Variants in ZMPSTE24 observed in about 807,000 individuals in gnomAD.
ZMPSTE24 encodes zinc metallopeptidase STE24.
Under a neutral mutation model 56.7 loss-of-function variants are expected in ZMPSTE24, and 48 were observed. That is an observed-to-expected ratio of 0.85 (90% CI 0.67 to 1.08). The LOEUF is 1.08. Among genes scored for constraint, ZMPSTE24 ranks in the 50% least tolerant of loss-of-function variants. ZMPSTE24 has a pLI of 0.00. For synonymous variants in ZMPSTE24, 172 were observed against 195.2 expected, an observed-to-expected ratio of 0.88 and a Z score of 0.99; for missense variants, 503 against 548.7, an observed-to-expected ratio of 0.92 and a Z score of 0.83.
intron 6 of ZMPSTE24, among the ~76,000 whole-genome samples, chr1:40,275,713 C>T (rs1440407016): frequency 1.4e-5 from 2 of 140,272 alleles, no homozygotes; most frequent in African/African-American, 5.4e-5. Flanking sequence ...GATCGCGCCA[C>T]TACACTCCAG....
At chr1:40,282,923 A>G (rs1316479197) in intron 7 of ZMPSTE24, among the ~76,000 whole-genome samples, 1 of 152,122 alleles carries the variant, frequency 6.6e-6, no homozygotes, top group Non-Finnish European at 1.5e-5. Context: ...GGCTAAAGAT[A>G]CCTACATTTT....
intron 6 of ZMPSTE24, among the ~76,000 whole-genome samples, chr1:40,273,533 AAAAAATATAT>A (rs1472551940): frequency 5.3e-5 from 3 of 57,042 alleles, no homozygotes; most frequent in East Asian, 6.0e-4. Context: ...AAAAAAAAAA[AAAAAATATAT>A]ATATATATAT....
chr1:40,263,118 TAGAC>T (rs1390237282), intron 2 of ZMPSTE24: 2 of 459,620 alleles, frequency 4.4e-6, no homozygotes, highest in Non-Finnish European at 5.7e-6. Context: ...CCAGGAAAGA[TAGAC>T]AGTAGCTTGG....
chr1:40,271,832 T>C (rs1643616530), intron 5 of ZMPSTE24, 62 bp from the exon 6 acceptor site: 1 of 1,567,750 alleles, frequency 6.4e-7, no homozygotes, highest in African/African-American at 1.4e-5. Context: ...TTAATCTGTA[T>C]AATAAAGAAT....
At chr1:40,289,048 A>T (rs1643813182) in intron 8 of ZMPSTE24, among the ~76,000 whole-genome samples, 1 of 152,066 alleles carries the variant, frequency 6.6e-6, no homozygotes, top group Non-Finnish European at 1.5e-5. Flanking sequence ...GTATTAAGTT[A>T]TTGTAAAATA....
At chr1:40,268,158 C>CT (rs1643575427) in intron 3 of ZMPSTE24, among the ~76,000 whole-genome samples, 1 of 152,160 alleles carries the variant, frequency 6.6e-6, no homozygotes, top group South Asian at 2.1e-4. Context: ...AATCCAGGCT[C>CT]TTTATCTTAG....
intron 6 of ZMPSTE24, among the ~76,000 whole-genome samples, chr1:40,273,554 A>G (rs1287015955): frequency 4.3e-5 from 5 of 117,374 alleles, no homozygotes; most frequent in African/African-American, 1.8e-4. Context: ...ATATATATAT[A>G]TATATATATA....
At position 40,290,300 on chromosome 1, in the gene ZMPSTE24, G is replaced by A. The variant is rs545226713; in HGVS notation, c.1060-554G>A. Among the ~76,000 whole-genome samples the A allele has an allele frequency of 9.1e-4, 138 of 151,242 alleles. 2 individuals carry two copies. Among genetic ancestry groups the A allele is most frequent in the Admixed American group, 8.0e-3 (122 of 15,174 alleles). The stretch of plus-strand genomic sequence containing the variant: ...CTCGGGAGGCTGAGGCAGGGGAATG[G>A]CGTGAACATGGGAGGCGGAGCTTGC... On this transcript the variant is annotated intron_variant, in intron 8 of 9. Transcript: ENST00000372759.
rs548350285 is a variant in ZMPSTE24, at chr1:40,270,769, T to C, written c.627+642T>C. Among the ~76,000 whole-genome samples, 15 of 152,234 alleles carry C rather than the reference T, an allele frequency of 9.9e-5. No individual in the cohort carries two copies. In the South Asian group the frequency reaches 3.1e-3, roughly 32 times the overall value. ...CCCTCCCTCACATCTCCTATTCCTC[T>C]TCTCTTTCCATACTCTCAAGTGCTT... On this transcript the variant is annotated intron_variant, in intron 5 of 9. Transcript: ENST00000372759.
At chr1:40,290,607 T>C (rs796932399) in intron 8 of ZMPSTE24, 2 of 377,110 alleles carry the variant, frequency 5.3e-6, no homozygotes, top group African/African-American at 2.1e-5. Flanking sequence ...ACTACAGGCA[T>C]CCGCCACCAC....
chr1:40,268,589 T>C, intron 4 of ZMPSTE24, 54 bp downstream of exon 4: 1 of 1,189,280 alleles, frequency 8.4e-7, no homozygotes, highest in East Asian at 2.3e-5. Flanking sequence ...TTCTGTGCTT[T>C]TGTCCTGTAC....
At chr1:40,261,551 C>T (rs975287857) in intron 2 of ZMPSTE24, among the ~76,000 whole-genome samples, 1 of 152,104 alleles carries the variant, frequency 6.6e-6, no homozygotes, top group Admixed American at 6.5e-5. Context: ...CACACTGTAC[C>T]TGGCCTGATT....
intron 7 of ZMPSTE24, among the ~76,000 whole-genome samples, chr1:40,282,220 C>T (rs138230807): frequency 1.3e-5 from 2 of 152,120 alleles, no homozygotes; most frequent in African/African-American, 4.8e-5. Context: ...AACTGGAGCA[C>T]AAGAAAAGAC....
chr1:40,288,247 G>A (rs1643806387), intron 8 of ZMPSTE24, among the ~76,000 whole-genome samples: 1 of 152,116 alleles, frequency 6.6e-6, no homozygotes, highest in African/African-American at 2.4e-5. Flanking sequence ...AACTCCTGTG[G>A]GCACTTTCCT....
chr1:40,261,113 A>G, intron 2 of ZMPSTE24, 128 bp downstream of exon 2: 1 of 1,178,510 alleles, frequency 8.5e-7, no homozygotes, highest in Non-Finnish European at 1.3e-6. Context: ...ATTGATAGTA[A>G]CGGCTGTGGA....
At chr1:40,260,729 C>A in intron 1 of ZMPSTE24, 110 bp from the exon 2 acceptor site, 1 of 1,125,134 alleles carries the variant, frequency 8.9e-7, no homozygotes, top group Non-Finnish European at 1.3e-6. Flanking sequence ...AGGTATAAAG[C>A]AAATTCAACA....
chr1:40,261,529 A>T (rs1643496838), intron 2 of ZMPSTE24, among the ~76,000 whole-genome samples: 1 of 152,066 alleles, frequency 6.6e-6, no homozygotes, highest in Non-Finnish European at 1.5e-5. Flanking sequence ...TGCTGGGATT[A>T]TAGGCATGAG....
chr1:40,273,540 ATATATATATATATATATATAT>A (rs1557776820), intron 6 of ZMPSTE24, among the ~76,000 whole-genome samples: 108 of 78,422 alleles, frequency 1.4e-3, no homozygotes, highest in Middle Eastern at 0.011. Context: ...AAAAAAAAAT[ATATATATATATATATATATAT>A]ATATATATGT....
chr1:40,275,449 A>T (rs946571040), intron 6 of ZMPSTE24, among the ~76,000 whole-genome samples: 2 of 151,054 alleles, frequency 1.3e-5, no homozygotes, highest in African/African-American at 2.4e-5. Flanking sequence ...ACAAACAAAC[A>T]AACAAACAAA....
Sources: gnomAD v4.1 joint callset for allele counts (sites outside exome capture counted in the v4.1 genomes callset) on GRCh38, gnomAD v4.1.1 for gene constraint, MANE v1.5 for transcripts, NCBI Gene and HGNC (gene_info 2026-07-23, HGNC 2026-07-21) for gene names.